The following NSF variants were observed in gnomAD, a reference collection of about 807,000 sequenced individuals.
The protein encoded by NSF is vesicle-fusing ATPase.
NSF carries 14 observed loss-of-function variants against 50.3 expected under a neutral mutation model. The observed-to-expected ratio is 0.28, with a 90% confidence interval of 0.18 to 0.44. The LOEUF (loss-of-function observed/expected upper bound fraction) is 0.44. Among genes scored for constraint, NSF ranks in the 20% least tolerant of loss-of-function variants. The probability of loss-of-function intolerance (pLI) is 1.00; values close to 1 mark genes in which losing one functional copy is unlikely to be tolerated. For synonymous variants in NSF, 109 were observed against 175.7 expected (o/e 0.62, Z 3.00); for missense variants, 218 against 504.3 (o/e 0.43, Z 5.44).
At chr17:46,598,634 T>C (rs2057885628) in intron 1 of NSF, among the ~76,000 whole-genome samples, 1 of 152,082 alleles carries the variant, frequency 6.6e-6, no homozygotes, top group African/African-American at 2.4e-5. Flanking sequence ...GTAAAATTTG[T>C]CGAATCTAGT....
At chr17:46,709,651 C>T (rs1020908558) in intron 13 of NSF, among the ~76,000 whole-genome samples, 1 of 152,088 alleles carries the variant, frequency 6.6e-6, no homozygotes, top group Non-Finnish European at 1.5e-5. Context: ...CACACCACCA[C>T]ACCCAGCTAA....
intron 17 of NSF, among the ~76,000 whole-genome samples, chr17:46,742,523 A>T (rs895866063): frequency 2.6e-5 from 4 of 152,238 alleles, no homozygotes; most frequent in African/African-American, 9.6e-5. Flanking sequence ...TAGTAAGTAT[A>T]TAGTATGTAA....
chr17:46,754,604 C>T (rs904566760), intron 19 of NSF, among the ~76,000 whole-genome samples: 22 of 152,180 alleles, frequency 1.4e-4, no homozygotes, highest in African/African-American at 4.3e-4. Flanking sequence ...GTACATTTAA[C>T]GAGTTAGTAT....
chr17:46,671,995 G>A (rs2058374060), intron 8 of NSF, among the ~76,000 whole-genome samples: 1 of 134,502 alleles, frequency 7.4e-6, no homozygotes, highest in Non-Finnish European at 1.7e-5. Flanking sequence ...TTTGAGTTTT[G>A]TAGGAAAAGA....
intron 14 of NSF, among the ~76,000 whole-genome samples, chr17:46,711,711 G>A (rs1382334646): frequency 1.3e-5 from 2 of 152,104 alleles, no homozygotes; most frequent in African/African-American, 2.4e-5. Context: ...TTAGTATGAC[G>A]GCAGAAAAGT....
At chr17:46,715,260 T>C (rs1323358862) in intron 15 of NSF, among the ~76,000 whole-genome samples, 1 of 152,222 alleles carries the variant, frequency 6.6e-6, no homozygotes, top group African/African-American at 2.4e-5. Flanking sequence ...GTGAAACCAA[T>C]AGTATCTGTC....
At chr17:46,737,891 T>C (rs974018821) in intron 17 of NSF, among the ~76,000 whole-genome samples, 2 of 151,250 alleles carry the variant, frequency 1.3e-5, no homozygotes, top group African/African-American at 4.9e-5. Flanking sequence ...GAAGGATTTA[T>C]GTATGCTAAA....
chr17:46,737,706 G>T (rs2059022551), intron 17 of NSF, among the ~76,000 whole-genome samples: 1 of 151,928 alleles, frequency 6.6e-6, no homozygotes, highest in Admixed American at 6.6e-5. Flanking sequence ...TATGTTACGT[G>T]GTTCCAGTGG....
At chr17:46,682,001 TTTAGA>T (rs2058463879) in intron 9 of NSF, among the ~76,000 whole-genome samples, 3 of 59,888 alleles carry the variant, frequency 5.0e-5, no homozygotes, top group Non-Finnish European at 5.2e-5. Context: ...TAAAAATTAT[TTTAGA>T]TTATTTTCCA....
At chr17:46,694,302 G>A (rs1256696477) in intron 11 of NSF, among the ~76,000 whole-genome samples, 173 bp from the exon 12 acceptor site, 3 of 139,058 alleles carry the variant, frequency 2.2e-5, no homozygotes, top group Non-Finnish European at 4.4e-5. Context: ...TAGGAGAATC[G>A]CCTGAATCCA....
At chr17:46,749,989 G>T in intron 18 of NSF, 82 bp downstream of exon 18, 1 of 1,462,404 alleles carries the variant, frequency 6.8e-7, no homozygotes, top group Middle Eastern at 1.8e-4. Context: ...TATACCTGGT[G>T]TTTGGTTTTT....
intron 17 of NSF, among the ~76,000 whole-genome samples, chr17:46,731,203 T>G (rs746925509): frequency 6.6e-6 from 1 of 152,152 alleles, no homozygotes; most frequent in East Asian, 1.9e-4. Flanking sequence ...GAATGAACTT[T>G]GAAAACATGC....
chr17:46,755,779 G>C, intron 20 of NSF, 23 bp from the exon 21 acceptor site: 2 of 1,333,670 alleles, frequency 1.5e-6, no homozygotes, highest in Non-Finnish European at 2.0e-6. Flanking sequence ...CTGTTTTTTT[G>C]TGTTTTGGTA....
At chr17:46,711,876 AAAAGTCCTGGGCAGGAAGGAGCTTG>A (rs2146263098) in intron 14 of NSF, among the ~76,000 whole-genome samples, 1 of 152,306 alleles carries the variant, frequency 6.6e-6, no homozygotes, top group South Asian at 2.1e-4. Flanking sequence ...GAGCATGTGA[AAAAGTCCTGGGCAGGAAGGAGCTTG>A]AAAGAGAAAG....
chr17:46,730,257 A>G (rs924095478), intron 17 of NSF, among the ~76,000 whole-genome samples: 3 of 152,200 alleles, frequency 2.0e-5, no homozygotes, highest in East Asian at 1.9e-4. Context: ...TATAAAAACT[A>G]TTAGAATGTG....
At chr17:46,598,240 C>CTTTTTTTTTT (rs2057879806) in intron 1 of NSF, among the ~76,000 whole-genome samples, 1 of 109,482 alleles carries the variant, frequency 9.1e-6, no homozygotes, top group Non-Finnish European at 1.9e-5. Context: ...TCCAATGAAG[C>CTTTTTTTTTT]ACCGTATATA....
chr17:46,717,540 G>A (rs937897180), intron 15 of NSF, among the ~76,000 whole-genome samples: 12 of 151,982 alleles, frequency 7.9e-5, no homozygotes, highest in Admixed American at 2.0e-4. Flanking sequence ...GTGAAACCCC[G>A]TCTCTACTAA....
intron 19 of NSF, among the ~76,000 whole-genome samples, chr17:46,754,645 G>A (rs749500091): frequency 4.6e-5 from 7 of 152,190 alleles, no homozygotes; most frequent in Non-Finnish European, 7.3e-5. Context: ...AACCAGTCGA[G>A]ATAGCTAATA....
intron 1 of NSF, among the ~76,000 whole-genome samples, chr17:46,611,175 GAAGTACACTAAA>G (rs1040284917): frequency 2.7e-5 from 1 of 37,356 alleles, no homozygotes; most frequent in Non-Finnish European, 4.0e-5. Context: ...GTTAACCAAA[GAAGTACACTAAA>G]AAGTACACTA....
Sources: allele counts gnomAD v4.1 joint callset (sites outside exome capture counted in the v4.1 genomes callset), GRCh38; gene constraint gnomAD v4.1.1; transcripts MANE v1.5; gene names NCBI Gene and HGNC (gene_info 2026-07-23, HGNC 2026-07-21).